Variants in UGT1A6 observed in about 807,000 individuals in gnomAD.
UGT1A6 encodes UDP-glucuronosyltransferase 1A6.
A neutral mutation model predicts 44.4 loss-of-function variants in UGT1A6; 32 were observed. That is an observed-to-expected ratio of 0.72 (90% CI 0.54 to 0.97). The LOEUF is 0.97. UGT1A6 is among the 50% of genes least tolerant of loss of function. UGT1A6 has a pLI of 0.00. For missense variants in UGT1A6, 685 were observed against 661.9 expected (o/e 1.03, Z -0.38); for synonymous variants, 238 against 248.5 (o/e 0.96, Z 0.40).
Position 233,773,095 on chromosome 2 carries a change from A to C in UGT1A6, c.*536A>C. On this transcript the variant is annotated 3_prime_UTR_variant, in exon 5 of 5. Coordinates refer to ENST00000305139, the MANE Select transcript of UGT1A6 (RefSeq NM_001072.4). ...ATGAATGGCTTGGAGTGCACTGAGA[A>C]CAGCATATGATTTCTTGCTTTGGGG... 6.3e-6 allele frequency: 1 copy of C among 159,994 alleles called. No individual in the cohort carries two copies. Among genetic ancestry groups the C allele is most frequent in the Non-Finnish European group, 1.4e-5 (1 of 71,916 alleles). The allele number at this position is 159,994 out of a possible 1,614,324, so 9.9% of individuals were successfully genotyped here. A position where few individuals can be genotyped will look rare whatever the true frequency, so the allele number is the denominator to read the frequency against.
chr2:233,769,434 T>A lies in UGT1A6; in HGVS notation c.1301+995T>A. ...GCGTTTGTGCATGTGGCTGTGCTCA[T>A]GTGTGGGTGCACACGTGTGCATTCA... is the stretch of plus-strand genomic sequence containing the variant. On this transcript the variant is annotated intron_variant, in intron 4 of 4. Coordinates refer to ENST00000305139, the MANE Select transcript of UGT1A6 (RefSeq NM_001072.4). The surrounding 1 kb of genome is among the most constrained non-coding windows in gnomAD (Gnocchi z 4.4). 1 of 1,542,192 alleles carries A rather than the reference T, an allele frequency of 6.5e-7. No individual in the cohort carries two copies.
chr2:233,753,154 C>T lies in UGT1A6; in HGVS notation c.862-13880C>T, dbSNP rs369458076. On this transcript the variant is annotated intron_variant, in intron 1 of 4. Transcript: ENST00000305139. The stretch of plus-strand genomic sequence containing the variant: ...TGAGTATCTTCACACATGTAAGTTC[C>T]CTTATCCGGATCACTAAAAAATGAA... 1.2e-4 allele frequency: 18 copies of T among 152,308 alleles called. No homozygotes were observed. The South Asian group carries it at 1.9e-3, about 16-fold the overall frequency. 9.4% of individuals were successfully genotyped at this position (152,308 alleles called of 1,614,324 possible). A position where few individuals can be genotyped will look rare whatever the true frequency, so the allele number is the denominator to read the frequency against.
chr2:233,714,809 G>A (rs545646081), intron 1 of UGT1A6, among the ~76,000 whole-genome samples: 102 of 152,292 alleles, frequency 6.7e-4, no homozygotes, highest in Middle Eastern at 3.4e-3. Context: ...ATATTCATAT[G>A]TAGTTAGTGA....
chr2:233,725,694 T>C (rs903551237), intron 1 of UGT1A6, among the ~76,000 whole-genome samples: 1 of 152,238 alleles, frequency 6.6e-6, no homozygotes, highest in African/African-American at 2.4e-5. Context: ...TCAATAGTCA[T>C]ATGTAGTTAG....
chr2:233,726,656 T>G (rs1331581430), intron 1 of UGT1A6, among the ~76,000 whole-genome samples: 1 of 152,184 alleles, frequency 6.6e-6, no homozygotes, highest in Non-Finnish European at 1.5e-5. Flanking sequence ...ACTCTTAATT[T>G]AATCATATCT....
At chr2:233,729,824 G>C in intron 1 of UGT1A6, 1 of 1,613,884 alleles carries the variant, frequency 6.2e-7, no homozygotes, top group South Asian at 1.1e-5. Flanking sequence ...CCTTATGCAA[G>C]CCTTGCCTCT....
At chr2:233,699,283 A>T (rs537298659) in intron 1 of UGT1A6, among the ~76,000 whole-genome samples, 2 of 152,194 alleles carry the variant, frequency 1.3e-5, no homozygotes, top group South Asian at 4.1e-4. Context: ...TCCAGGCCAG[A>T]TGCTGGGACA....
chr2:233,719,268 T>C (rs12468274), intron 1 of UGT1A6: 110,466 of 1,614,086 alleles, frequency 0.068, 5,154 homozygotes, highest in South Asian at 0.18. Context: ...TGATGTGGTT[T>C]TAACAGACCC....
chr2:233,700,007 A>T (rs965414411), intron 1 of UGT1A6, among the ~76,000 whole-genome samples: 5 of 152,204 alleles, frequency 3.3e-5, no homozygotes, highest in Admixed American at 1.3e-4. Context: ...TCAAAATGTC[A>T]CGAGTGCTGA....
At chr2:233,752,688 T>G (rs143415003) in intron 1 of UGT1A6, 1 of 152,282 alleles carries the variant, frequency 6.6e-6, no homozygotes, top group Non-Finnish European at 1.5e-5. Flanking sequence ...GAAATTCATG[T>G]TTACTAGTGG....
intron 1 of UGT1A6, among the ~76,000 whole-genome samples, chr2:233,731,463 G>A (rs540385955): frequency 1.5e-4 from 23 of 152,134 alleles, no homozygotes; most frequent in Admixed American, 1.0e-3. Flanking sequence ...AGGCCCTGGC[G>A]TGTGATGTTC....
At chr2:233,707,472 T>C in intron 1 of UGT1A6, among the ~76,000 whole-genome samples, 1 of 152,136 alleles carries the variant, frequency 6.6e-6, no homozygotes, top group Non-Finnish European at 1.5e-5. Flanking sequence ...CTGTAAATAA[T>C]ACAGATGATT....
intron 1 of UGT1A6, among the ~76,000 whole-genome samples, chr2:233,705,940 T>C (rs2075879874): frequency 6.6e-6 from 1 of 152,018 alleles, no homozygotes; most frequent in Non-Finnish European, 1.5e-5. Flanking sequence ...AGACAAAAAA[T>C]TAGCTGGGTG....
intron 1 of UGT1A6, among the ~76,000 whole-genome samples, chr2:233,730,257 A>C (rs1190299662): frequency 6.6e-6 from 1 of 152,082 alleles, no homozygotes; most frequent in Non-Finnish European, 1.5e-5. Flanking sequence ...ACTCATAGAG[A>C]CTGTTGGTTT....
At chr2:233,734,495 T>C (rs541063425) in intron 1 of UGT1A6, among the ~76,000 whole-genome samples, 38 of 152,346 alleles carry the variant, frequency 2.5e-4, no homozygotes, top group African/African-American at 9.1e-4. Flanking sequence ...TTGAAGGTTT[T>C]TTTGTGTCTC....
intron 1 of UGT1A6, chr2:233,713,993 T>C: frequency 6.4e-7 from 1 of 1,564,404 alleles, no homozygotes; most frequent in Non-Finnish European, 8.7e-7. Context: ...TGTAATAGTC[T>C]TCAGTGAGAT....
In UGT1A6 at chr2:233,720,107, C is replaced by T. The variant is rs542335836; in HGVS notation, c.861+26242C>T. ...GATAATTTTTAGTGGTCCCATCTTGCGAAAGATACAGAGGTGACCACAGGA... is the reference window on the plus strand; with the variant it reads ...GATAATTTTTAGTGGTCCCATCTTGTGAAAGATACAGAGGTGACCACAGGA... On this transcript the variant is annotated intron_variant, in intron 1 of 4. Transcript: ENST00000305139. Among the ~76,000 whole-genome samples, 144 of 152,152 alleles carry T rather than the reference C, an allele frequency of 9.5e-4. 1 individual carries two copies. Among genetic ancestry groups the T allele is most frequent in the African/African-American group, 3.2e-3 (134 of 41,490 alleles).
rs2076078557 is a variant in UGT1A6, at chr2:233,709,472, A to G, written c.861+15607A>G. ...TTTTAAAGCAATCATTTTGGGGCTT[A>G]TAAGTATTTAGTATTTGAAGTCTCT... is the stretch of plus-strand genomic sequence containing the variant. On this transcript the variant is annotated intron_variant, in intron 1 of 4. Coordinates refer to ENST00000305139, the MANE Select transcript of UGT1A6 (RefSeq NM_001072.4). Among the ~76,000 whole-genome samples the G allele has an allele frequency of 2.0e-5, 3 of 152,238 alleles. No homozygotes were observed. In the South Asian group the frequency reaches 6.2e-4, roughly 32 times the overall value.
intron 1 of UGT1A6, chr2:233,754,898 C>G: frequency 1.5e-6 from 2 of 1,351,858 alleles, no homozygotes; most frequent in Non-Finnish European, 2.0e-6. Context: ...TCCTCTGACC[C>G]CCCAAAATAT....
Sources: gnomAD v4.1 joint callset for allele counts (sites outside exome capture counted in the v4.1 genomes callset) on GRCh38, gnomAD v4.1.1 for gene constraint, Gnocchi (gnomAD v3.1) non-coding constraint, MANE v1.5 for transcripts, NCBI Gene and HGNC (gene_info 2026-07-23, HGNC 2026-07-21) for gene names.